The following PAH variants were observed in gnomAD, a reference collection of about 807,000 sequenced individuals.
PAH encodes the protein phenylalanine hydroxylase.
In PAH, 64 loss-of-function variants were observed where a neutral mutation model predicts 62.0. That is an observed-to-expected ratio of 1.03 (90% CI 0.84 to 1.27). The LOEUF (loss-of-function observed/expected upper bound fraction) is 1.27, where lower values mean the gene tolerates loss of function less well. Ranked by LOEUF, PAH falls within the 50% of genes most tolerant of loss-of-function variation. The pLI, the probability that PAH is intolerant of heterozygous loss-of-function variation, is 0.00. For synonymous variants in PAH, 195 were observed against 196.2 expected, an observed-to-expected ratio of 0.99 and a Z score of 0.05; for missense variants, 579 against 542.8, an observed-to-expected ratio of 1.07 and a Z score of -0.66.
At chr12:102,929,330 G>C (rs937633692) in intron 1 of PAH, among the ~76,000 whole-genome samples, 12 of 152,148 alleles carry the variant, frequency 7.9e-5, no homozygotes, top group African/African-American at 2.9e-4. Flanking sequence ...AATGCTGTGA[G>C]AACTTTTCCC....
At chr12:102,855,508 T>C (rs1407816037) in intron 5 of PAH, among the ~76,000 whole-genome samples, 176 bp from the exon 6 acceptor site, 2 of 152,218 alleles carry the variant, frequency 1.3e-5, no homozygotes, top group African/African-American at 4.8e-5. Flanking sequence ...GGAAACATTG[T>C]TGTTTTGATT....
At chr12:102,958,271 C>G (rs762725427) in exon 1 of PAH, 30 of 1,473,792 alleles carry the variant, frequency 2.0e-5, no homozygotes, top group African/African-American at 5.9e-5. Context: ...AGATGGAGAG[C>G]GGCGGCGCCG....
chr12:102,952,707 T>G (rs1410070474), upstream of PAH, among the ~76,000 whole-genome samples: 1 of 152,172 alleles, frequency 6.6e-6, no homozygotes, highest in African/African-American at 2.4e-5. Context: ...CCACATTCCC[T>G]CCTTATCCCA....
chr12:102,843,382 C>T lies in PAH; in HGVS notation c.1199+264G>A, dbSNP rs2242381. Among the ~76,000 whole-genome samples, 32,248 of 151,938 alleles carry T rather than the reference C, an allele frequency of 0.21. 4,895 individuals carry two copies. Among genetic ancestry groups the T allele is most frequent in the East Asian group, 0.75 (3,857 of 5,132 alleles). On this transcript the variant is annotated intron_variant, in intron 11 of 12. Transcript: ENST00000553106. ...TTGTGGGGAGACTTCTGTGGCCACT[C>T]TGTATGCAGGAGGGTTCAGTGTCTT...
chr12:102,890,944 G>T (rs546087348), intron 3 of PAH, among the ~76,000 whole-genome samples: 1 of 152,180 alleles, frequency 6.6e-6, no homozygotes, highest in South Asian at 2.1e-4. Flanking sequence ...TTAGCCGGGC[G>T]TGGTGTCATG....
chr12:102,954,679 G>T (rs144820387), upstream of PAH, among the ~76,000 whole-genome samples: 7 of 152,260 alleles, frequency 4.6e-5, no homozygotes, highest in East Asian at 1.4e-3. Flanking sequence ...AGGTCGGGAG[G>T]AGGGATTATA....
intron 5 of PAH, among the ~76,000 whole-genome samples, chr12:102,856,382 G>A (rs1463339743): frequency 3.3e-5 from 5 of 152,232 alleles, no homozygotes; most frequent in African/African-American, 7.2e-5. Context: ...AGGCCTGCCT[G>A]CCTCTGTAGA....
upstream of PAH, chr12:102,958,393 CGCAGCAGCAGCAGCAGCAGCA>C (rs3832799): frequency 1.9e-3 from 2,872 of 1,507,080 alleles, 7 homozygotes; most frequent in South Asian, 3.2e-3. Flanking sequence ...GCGCAGAGCG[CGCAGCAGCAGCAGCAGCAGCA>C]GCAGCAGCAG....
intron 9 of PAH, among the ~76,000 whole-genome samples, 196 bp downstream of exon 9, chr12:102,846,695 TGTAG>T (rs756205096): frequency 1.3e-5 from 2 of 152,226 alleles, no homozygotes; most frequent in Non-Finnish European, 1.5e-5. Context: ...TGTAAACATC[TGTAG>T]GTAGCTGATT....
At chr12:102,848,570 C>T (rs74212543) in intron 8 of PAH, among the ~76,000 whole-genome samples, 5 of 133,154 alleles carry the variant, frequency 3.8e-5, no homozygotes, top group Non-Finnish European at 3.2e-5. Flanking sequence ...ACTGGAGAGG[C>T]TGAGTGTAGA....
intron 11 of PAH, among the ~76,000 whole-genome samples, chr12:102,841,157 T>C (rs1457836121): frequency 6.6e-6 from 1 of 152,142 alleles, no homozygotes; most frequent in Non-Finnish European, 1.5e-5. Context: ...GTCAGTAAGT[T>C]ATGCAGCTGG....
chr12:102,945,510 C>G (rs1203729682), intron 1 of PAH, among the ~76,000 whole-genome samples: 1 of 152,182 alleles, frequency 6.6e-6, no homozygotes, highest in East Asian at 1.9e-4. Flanking sequence ...ACCCAAGCCA[C>G]AAGACAGAGT....
intron 1 of PAH, among the ~76,000 whole-genome samples, chr12:102,929,475 G>T (rs1462253187): frequency 6.6e-6 from 1 of 152,152 alleles, no homozygotes; most frequent in East Asian, 1.9e-4. Context: ...GAAACAATGG[G>T]GAACTTGGTT....
At chr12:102,958,188 C>A in intron 1 of PAH, 6 of 1,366,744 alleles carry the variant, frequency 4.4e-6, no homozygotes, top group Non-Finnish European at 5.7e-6. Flanking sequence ...CCTCGCGGGC[C>A]CCGCACCTCG....
At chr12:102,929,322 T>C (rs1196995939) in intron 1 of PAH, among the ~76,000 whole-genome samples, 1 of 152,178 alleles carries the variant, frequency 6.6e-6, no homozygotes, top group Non-Finnish European at 1.5e-5. Context: ...ATGTACATAA[T>C]GCTGTGAGAA....
intron 5 of PAH, among the ~76,000 whole-genome samples, chr12:102,863,797 C>T (rs775593550): frequency 2.0e-5 from 3 of 152,092 alleles, no homozygotes; most frequent in Non-Finnish European, 4.4e-5. Context: ...TCCAGTAGAG[C>T]TCTCCTTTAT....
chr12:102,927,371 A>C (rs1413363959), intron 1 of PAH, among the ~76,000 whole-genome samples: 1 of 150,590 alleles, frequency 6.6e-6, no homozygotes. Flanking sequence ...TTTTCTCTGC[A>C]AACTCACACA....
At chr12:102,877,208 C>T (rs1342484114) in intron 4 of PAH, 11 of 523,562 alleles carry the variant, frequency 2.1e-5, no homozygotes, top group South Asian at 1.4e-4. Context: ...TTTGTGCATA[C>T]ACAGACCTAG....
At chr12:102,899,618 G>A (rs1250743521) in intron 2 of PAH, among the ~76,000 whole-genome samples, 1 of 151,768 alleles carries the variant, frequency 6.6e-6, no homozygotes, top group Admixed American at 6.6e-5. Flanking sequence ...CCAGCACTTT[G>A]GGAGGCCGAG....
Sources: allele counts gnomAD v4.1 joint callset (sites outside exome capture counted in the v4.1 genomes callset), GRCh38; gene constraint gnomAD v4.1.1; transcripts MANE v1.5; gene names NCBI Gene and HGNC (gene_info 2026-07-23, HGNC 2026-07-21).